The following CSMD3 variants were observed in gnomAD, a reference collection of about 807,000 sequenced individuals.
CSMD3 encodes the protein CUB and Sushi multiple domains 3, also known as CUB and sushi domain-containing protein 3.
Under a neutral mutation model 435.2 loss-of-function variants are expected in CSMD3, and 177 were observed. That is an observed-to-expected ratio of 0.41 (90% CI 0.36 to 0.46). The LOEUF is 0.46. CSMD3 is among the 20% of genes least tolerant of loss of function. The pLI, the probability that CSMD3 is intolerant of heterozygous loss-of-function variation, is 0.34. For missense variants in CSMD3, 4,265 were observed against 4,504.6 expected (o/e 0.95, Z 1.52); for synonymous variants, 1,656 against 1,520.5 (o/e 1.09, Z -2.07).
intron 24 of CSMD3, among the ~76,000 whole-genome samples, chr8:112,572,586 G>A (rs1829621298): frequency 6.6e-6 from 1 of 151,920 alleles, no homozygotes; most frequent in Non-Finnish European, 1.5e-5. Context: ...GACTTCTTGA[G>A]AAAATTTATA....
At chr8:112,386,901 G>T (rs971095383) in intron 36 of CSMD3, among the ~76,000 whole-genome samples, 1 of 152,154 alleles carries the variant, frequency 6.6e-6, no homozygotes, top group Non-Finnish European at 1.5e-5. Context: ...ATGAGGTAAT[G>T]AATTTCCAAT....
chr8:112,265,206 A>G (rs1292009012), intron 60 of CSMD3, among the ~76,000 whole-genome samples: 2 of 151,972 alleles, frequency 1.3e-5, no homozygotes, highest in Non-Finnish European at 2.9e-5. Flanking sequence ...TACTCACAAT[A>G]AGATATAATG....
At chr8:112,835,404 G>A (rs180924810) in intron 11 of CSMD3, among the ~76,000 whole-genome samples, 1 of 151,872 alleles carries the variant, frequency 6.6e-6, no homozygotes, top group Admixed American at 6.6e-5. Context: ...GTAAAACACT[G>A]GTCTCAGAAT....
chr8:113,261,578 A>G (rs1013328107), intron 3 of CSMD3, among the ~76,000 whole-genome samples: 4 of 152,026 alleles, frequency 2.6e-5, no homozygotes, highest in Non-Finnish European at 2.9e-5. Flanking sequence ...TGCATGTGTG[A>G]TAAGTGTCAC....
chr8:112,310,195 A>T (rs910473014), intron 50 of CSMD3: 1 of 152,308 alleles, frequency 6.6e-6, no homozygotes, highest in Non-Finnish European at 1.5e-5. Flanking sequence ...ACTACTATTT[A>T]AAACAAGTCT....
At chr8:113,136,340 T>A (rs2091418472) in intron 4 of CSMD3, among the ~76,000 whole-genome samples, 1 of 151,824 alleles carries the variant, frequency 6.6e-6, no homozygotes, top group Non-Finnish European at 1.5e-5. Flanking sequence ...TTTTAGCTAC[T>A]ATTAATACAT....
intron 38 of CSMD3, among the ~76,000 whole-genome samples, chr8:112,357,153 C>T (rs1586864111): frequency 6.6e-6 from 1 of 152,104 alleles, no homozygotes; most frequent in South Asian, 2.1e-4. Context: ...GGGTAAGTTC[C>T]AGTCTGAGGT....
rs1816642168 is a variant in CSMD3 at position 112,263,581 on chromosome 8, T to A, written c.9862+58A>T. ...TGAAGGAAGCTTAACAATCTCATATTTGGTCTAGAAAAATTTGAAAATTTT... is the reference window on the plus strand; with the variant it reads ...TGAAGGAAGCTTAACAATCTCATATATGGTCTAGAAAAATTTGAAAATTTT... On this transcript the variant is annotated intron_variant, in intron 61 of 70. Coordinates refer to ENST00000297405, the MANE Select transcript of CSMD3 (RefSeq NM_198123.2). 3.6e-5 allele frequency: 50 copies of A among 1,406,944 alleles called. No individual in the cohort carries two copies. In the South Asian group the frequency reaches 5.6e-4, roughly 16 times the overall value. 87.2% of individuals were successfully genotyped at this position (1,406,944 alleles called of 1,614,324 possible).
intron 35 of CSMD3, among the ~76,000 whole-genome samples, chr8:112,401,594 C>T (rs1008454030): frequency 6.6e-6 from 1 of 151,818 alleles, no homozygotes; most frequent in Non-Finnish European, 1.5e-5. Context: ...AAAAATTTGC[C>T]AACAATGAAA....
intron 5 of CSMD3, among the ~76,000 whole-genome samples, chr8:113,098,118 C>T (rs375490744): frequency 1.3e-3 from 199 of 152,062 alleles, no homozygotes; most frequent in African/African-American, 4.6e-3. Context: ...TGGTTCTTAG[C>T]AAATCTTCAC....
intron 5 of CSMD3, among the ~76,000 whole-genome samples, chr8:113,070,507 C>T (rs2089062803): frequency 6.6e-6 from 1 of 151,922 alleles, no homozygotes; most frequent in Non-Finnish European, 1.5e-5. Flanking sequence ...ATATACAGTA[C>T]AGTATTGTTA....
intron 61 of CSMD3, chr8:112,256,015 A>C (rs1815758203): frequency 6.6e-6 from 1 of 152,646 alleles, no homozygotes. Flanking sequence ...ATCTAAATCT[A>C]CGCAAAACTA....
intron 5 of CSMD3, among the ~76,000 whole-genome samples, chr8:113,071,028 A>G (rs1348301154): frequency 1.3e-5 from 2 of 151,938 alleles, no homozygotes; most frequent in East Asian, 1.9e-4. Flanking sequence ...ATGTGAGGTC[A>G]TATCTTATTG....
At chr8:113,120,952 CAAT>C (rs1388785271) in intron 4 of CSMD3, among the ~76,000 whole-genome samples, 6 of 152,100 alleles carry the variant, frequency 3.9e-5, no homozygotes, top group Non-Finnish European at 7.4e-5. Context: ...TCAGAAACAA[CAAT>C]GCTTACGTTT....
intron 27 of CSMD3, among the ~76,000 whole-genome samples, chr8:112,535,117 G>A (rs1307791095): frequency 6.6e-6 from 1 of 152,046 alleles, no homozygotes; most frequent in Non-Finnish European, 1.5e-5. Context: ...GCACAAGACA[G>A]GGATGCCCTC....
chr8:113,339,453 ATTAAG>A (rs1251617055), intron 1 of CSMD3, among the ~76,000 whole-genome samples: 4 of 151,990 alleles, frequency 2.6e-5, no homozygotes, highest in South Asian at 2.1e-4. Flanking sequence ...AAAAAAATGC[ATTAAG>A]TTATTTTATT....
At chr8:112,644,063 C>T (rs1012762448) in intron 20 of CSMD3, among the ~76,000 whole-genome samples, 2 of 151,118 alleles carry the variant, frequency 1.3e-5, no homozygotes, top group East Asian at 1.9e-4. Flanking sequence ...TAATATAATA[C>T]ATCAACAGAG....
intron 67 of CSMD3, among the ~76,000 whole-genome samples, chr8:112,236,206 C>T (rs1586482696): frequency 6.6e-6 from 1 of 151,636 alleles, no homozygotes; most frequent in East Asian, 1.9e-4. Flanking sequence ...TTTTACAGCA[C>T]AAATTATTTC....
intron 54 of CSMD3, among the ~76,000 whole-genome samples, chr8:112,292,987 A>T (rs1372483019): frequency 6.6e-6 from 1 of 152,118 alleles, no homozygotes; most frequent in African/African-American, 2.4e-5. Context: ...GTTTCACGGT[A>T]CCTATTTCAT....
Sources: gnomAD v4.1 joint callset for allele counts (sites outside exome capture counted in the v4.1 genomes callset) on GRCh38, gnomAD v4.1.1 for gene constraint, MANE v1.5 for transcripts, NCBI Gene and HGNC (gene_info 2026-07-23, HGNC 2026-07-21) for gene names.